The following FAM135B variants were observed in gnomAD, a reference collection of about 807,000 sequenced individuals.
FAM135B encodes the protein protein FAM135B.
In FAM135B, 43 loss-of-function variants were observed where a neutral mutation model predicts 127.7. The observed-to-expected ratio is 0.34, with a 90% CI of 0.26 to 0.43. The LOEUF (loss-of-function observed/expected upper bound fraction) is 0.43. Ranked by LOEUF, FAM135B falls within the 20% of genes least tolerant of loss-of-function variation. The pLI, the probability that FAM135B is intolerant of heterozygous loss-of-function variation, is 1.00. For missense variants in FAM135B, 1,558 were observed against 1,725.6 expected, an observed-to-expected ratio of 0.90 and a Z score of 1.72; for synonymous variants, 670 against 665.1, an observed-to-expected ratio of 1.01 and a Z score of -0.11.
chr8:138,274,512 G>A (rs960142934), intron 3 of FAM135B, among the ~76,000 whole-genome samples: 1 of 152,148 alleles, frequency 6.6e-6, no homozygotes, highest in African/African-American at 2.4e-5. Context: ...TGAAGTTTCA[G>A]GCACCATTGT....
chr8:138,331,696 T>C (rs1828193942), intron 2 of FAM135B, among the ~76,000 whole-genome samples: 1 of 152,210 alleles, frequency 6.6e-6, no homozygotes, highest in Non-Finnish European at 1.5e-5. Flanking sequence ...GGGTGAACAG[T>C]AGCATCCCCA....
At chr8:138,363,868 A>G (rs1830584309) in intron 2 of FAM135B, among the ~76,000 whole-genome samples, 1 of 152,296 alleles carries the variant, frequency 6.6e-6, no homozygotes, top group Middle Eastern at 3.4e-3. Context: ...CTCATAAACT[A>G]TGTAAATGAG....
chr8:138,273,573 C>T (rs1823562071), intron 3 of FAM135B, among the ~76,000 whole-genome samples: 1 of 152,156 alleles, frequency 6.6e-6, no homozygotes, highest in African/African-American at 2.4e-5. Flanking sequence ...TGGGCACTGC[C>T]TGAATGGAGC....
At chr8:138,353,265 G>T (rs1381147143) in intron 2 of FAM135B, among the ~76,000 whole-genome samples, 1 of 152,124 alleles carries the variant, frequency 6.6e-6, no homozygotes, top group Non-Finnish European at 1.5e-5. Flanking sequence ...TTCCTCTCAG[G>T]ATCAGTTCTC....
At chr8:138,238,769 G>T (rs1820503029) in intron 7 of FAM135B, among the ~76,000 whole-genome samples, 1 of 152,236 alleles carries the variant, frequency 6.6e-6, no homozygotes, top group South Asian at 2.1e-4. Context: ...GGAGGTGGAG[G>T]GAGTGGATTT....
chr8:138,222,240 G>T lies in FAM135B; in HGVS notation c.669+20702C>A, dbSNP rs79540914. Among the ~76,000 whole-genome samples, 716 of 152,298 alleles carry T rather than the reference G, an allele frequency of 4.7e-3. 6 individuals carry two copies. The highest frequency in any genetic ancestry group is 0.016 in the African/African-American group (685 of 41,570). On this transcript the variant is annotated intron_variant, in intron 7 of 19. Transcript: ENST00000395297. ...AGAGAAAAGGCAGATACAGGAGGAG[G>T]AGCAGGTAGTGGCAGATAAAAGGGG...
chr8:138,209,120 G>T (rs995198526), intron 7 of FAM135B, among the ~76,000 whole-genome samples: 1 of 152,040 alleles, frequency 6.6e-6, no homozygotes, highest in African/African-American at 2.4e-5. Context: ...TAATTGCTGG[G>T]TTTTTTTGGT....
At chr8:138,362,150 A>G (rs1830458470) in intron 2 of FAM135B, among the ~76,000 whole-genome samples, 1 of 151,970 alleles carries the variant, frequency 6.6e-6, no homozygotes, top group African/African-American at 2.4e-5. Flanking sequence ...TCTTTTAGCT[A>G]TTTTTAAATG....
intron 7 of FAM135B, among the ~76,000 whole-genome samples, chr8:138,207,603 G>A (rs978643574): frequency 6.6e-6 from 1 of 152,164 alleles, no homozygotes; most frequent in African/African-American, 2.4e-5. Context: ...CATTGCATAA[G>A]ATCCCACAGA....
chr8:138,450,005 C>T (rs536835956), intron 1 of FAM135B, among the ~76,000 whole-genome samples: 1 of 152,190 alleles, frequency 6.6e-6, no homozygotes, highest in Non-Finnish European at 1.5e-5. Flanking sequence ...CCCTAAAAAT[C>T]CTGCCTTCTG....
In FAM135B at chr8:138,242,531, G is replaced by A. The variant is rs1382759933; in HGVS notation, c.669+411C>T. On this transcript the variant is annotated intron_variant, in intron 7 of 19. Coordinates refer to ENST00000395297, the MANE Select transcript of FAM135B (RefSeq NM_015912.4). The surrounding 1 kb of genome is among the most constrained non-coding windows in gnomAD (Gnocchi z 9.6). The stretch of plus-strand genomic sequence containing the variant: ...ACACTCCATGAGATTATTAGCTATT[G>A]GGGAGCCCACTCTACAGGTGGGAAA... Among the ~76,000 whole-genome samples, 1 of 152,022 alleles carries A rather than the reference G, an allele frequency of 6.6e-6. No individual in the cohort carries two copies. The highest frequency in any genetic ancestry group is 1.5e-5 in the Non-Finnish European group (1 of 68,010).
At chr8:138,408,841 G>T (rs1589227) in intron 1 of FAM135B, among the ~76,000 whole-genome samples, 21 of 151,936 alleles carry the variant, frequency 1.4e-4, no homozygotes, top group Non-Finnish European at 2.1e-4. Flanking sequence ...TTGACACGTG[G>T]GGTTACAATC....
intron 1 of FAM135B, among the ~76,000 whole-genome samples, chr8:138,399,074 AT>A (rs1833003494): frequency 6.6e-6 from 1 of 152,146 alleles, no homozygotes; most frequent in Non-Finnish European, 1.5e-5. Context: ...AATAATATAT[AT>A]TTTTAAGACC....
intron 3 of FAM135B, among the ~76,000 whole-genome samples, chr8:138,296,012 G>A (rs575877853): frequency 5.9e-5 from 9 of 152,292 alleles, no homozygotes; most frequent in African/African-American, 2.2e-4. Context: ...GATTTCAAAA[G>A]TTTTATTTCA....
intron 1 of FAM135B, chr8:138,441,308 T>C (rs1385747212): frequency 1.3e-5 from 2 of 152,172 alleles, no homozygotes; most frequent in Non-Finnish European, 2.9e-5. Context: ...ACAGGGAAGA[T>C]AAGGCTGAAA....
chr8:138,220,289 A>G (rs1299114064), intron 7 of FAM135B, among the ~76,000 whole-genome samples: 1 of 152,102 alleles, frequency 6.6e-6, no homozygotes, highest in Non-Finnish European at 1.5e-5. Flanking sequence ...TTTCTTTCTG[A>G]GCCCTAGGCA....
chr8:138,193,708 G>A (rs1341674814), intron 9 of FAM135B, among the ~76,000 whole-genome samples: 1 of 152,188 alleles, frequency 6.6e-6, no homozygotes, highest in Non-Finnish European at 1.5e-5. Context: ...GGAAGGAGAG[G>A]CCATCTCACC....
intron 6 of FAM135B, among the ~76,000 whole-genome samples, chr8:138,245,012 C>T (rs995884391): frequency 6.6e-6 from 1 of 152,122 alleles, no homozygotes; most frequent in Non-Finnish European, 1.5e-5. Flanking sequence ...AGGTATTTCC[C>T]ACAAACTTAA....
intron 2 of FAM135B, among the ~76,000 whole-genome samples, chr8:138,329,522 AG>A (rs1444814805): frequency 1.3e-5 from 2 of 152,236 alleles, no homozygotes; most frequent in African/African-American, 4.8e-5. Flanking sequence ...ACAACAAAAA[AG>A]TTCCCTTGGC....
Sources: allele counts gnomAD v4.1 joint callset (sites outside exome capture counted in the v4.1 genomes callset), GRCh38; gene constraint gnomAD v4.1.1; non-coding constraint Gnocchi (gnomAD v3.1); transcripts MANE v1.5; gene names NCBI Gene and HGNC (gene_info 2026-07-23, HGNC 2026-07-21).